Variants in TBC1D32 observed in about 807,000 individuals in gnomAD.
TBC1D32 encodes protein broad-minded.
A neutral mutation model predicts 170.3 loss-of-function variants in TBC1D32; 151 were observed. The ratio of observed to expected loss-of-function variants is 0.89; its 90% CI spans 0.78 to 1.01. The LOEUF (loss-of-function observed/expected upper bound fraction) is 1.01, where lower values mean the gene tolerates loss of function less well. Ranked by LOEUF, TBC1D32 falls within the 50% of genes least tolerant of loss-of-function variation. TBC1D32 has a pLI of 0.00. For missense variants in TBC1D32, 1,464 were observed against 1,457.1 expected, an observed-to-expected ratio of 1.00 and a Z score of -0.08; for synonymous variants, 498 against 488.0, an observed-to-expected ratio of 1.02 and a Z score of -0.27.
At chr6:121,297,873 A>G (rs1805898809) in intron 10 of TBC1D32, among the ~76,000 whole-genome samples, 1 of 152,100 alleles carries the variant, frequency 6.6e-6, no homozygotes, top group Non-Finnish European at 1.5e-5. Flanking sequence ...CAGATATTTC[A>G]TCATTGCAGA....
chr6:121,094,476 T>G (rs773944168), intron 30 of TBC1D32, among the ~76,000 whole-genome samples: 67 of 152,258 alleles, frequency 4.4e-4, no homozygotes, highest in Non-Finnish European at 8.1e-4. Context: ...CACTTCTGTA[T>G]TTTTATAAAG....
At chr6:121,080,995 G>T in intron 31 of TBC1D32, 105 bp from the exon 32 acceptor site, 1 of 1,363,110 alleles carries the variant, frequency 7.3e-7, no homozygotes, top group Non-Finnish European at 1.0e-6. Context: ...AGCTATAGAT[G>T]GGGTGGGCTG....
Position 121,134,024 on chromosome 6 carries a change from C to T in TBC1D32, c.2774-2272G>A, listed in dbSNP as rs563766877. Among the ~76,000 whole-genome samples, 5 of 152,008 alleles carry T rather than the reference C, an allele frequency of 3.3e-5. No individual in the cohort carries two copies. In the South Asian group the frequency reaches 6.2e-4, roughly 19 times the overall value. On this transcript the variant is annotated intron_variant, in intron 24 of 31. Transcript: ENST00000398212. ...AGTTTTAATGTTAAATGTATCTTGA[C>T]AAGAATTAGGTAAAGACTTAATTCG...
chr6:121,107,022 C>G (rs948694030), intron 29 of TBC1D32, among the ~76,000 whole-genome samples: 1 of 151,676 alleles, frequency 6.6e-6, no homozygotes, highest in Non-Finnish European at 1.5e-5. Context: ...AAAAACTGTT[C>G]AACTAGCAAT....
At chr6:121,289,601 C>A (rs1322039719) in intron 12 of TBC1D32, among the ~76,000 whole-genome samples, 1 of 152,302 alleles carries the variant, frequency 6.6e-6, no homozygotes, top group South Asian at 2.1e-4. Context: ...TCAATCCCAT[C>A]CCCATTAAGC....
intron 20 of TBC1D32, among the ~76,000 whole-genome samples, chr6:121,223,668 G>C (rs1460679282): frequency 6.6e-6 from 1 of 151,942 alleles, no homozygotes; most frequent in Non-Finnish European, 1.5e-5. Context: ...CTCATTCTTT[G>C]CACTTTCATA....
intron 13 of TBC1D32, 79 bp downstream of exon 13, chr6:121,283,739 T>C (rs1803376345): frequency 8.9e-7 from 1 of 1,120,942 alleles, no homozygotes; most frequent in Non-Finnish European, 1.3e-6. Flanking sequence ...GGTCAGGCAC[T>C]CAAAACATCT....
chr6:121,229,503 G>A (rs1287790496), intron 20 of TBC1D32, among the ~76,000 whole-genome samples: 1 of 152,046 alleles, frequency 6.6e-6, no homozygotes, highest in Non-Finnish European at 1.5e-5. Flanking sequence ...TCCATATTCT[G>A]CAAACTGGCA....
At position 121,265,110 on chromosome 6, in the gene TBC1D32, G is replaced by C. The variant is rs60318585; in HGVS notation, c.1734-8825C>G. ...AATAAAGGGTATTCAAATAGGAAGA[G>C]AGGAAGTCAAATTGTCTCTGTTTGC... On this transcript the variant is annotated intron_variant, in intron 15 of 31. Coordinates refer to ENST00000398212, the MANE Select transcript of TBC1D32 (RefSeq NM_152730.6). 2.7e-3 allele frequency among the ~76,000 whole-genome samples: 407 copies of C among 152,316 alleles called. 2 individuals are homozygous for C. The highest frequency in any genetic ancestry group is 8.3e-3 in the African/African-American group (344 of 41,558).
chr6:121,310,750 T>C lies in TBC1D32; in HGVS notation c.564+29A>G, dbSNP rs1490853239. 17 of 1,378,068 alleles carry C rather than the reference T, an allele frequency of 1.2e-5. 1 individual carries two copies. The East Asian group carries it at 1.2e-4, about 10-fold the overall frequency. The allele number at this position is 1,378,068 out of a possible 1,614,324, so 85.4% of individuals were successfully genotyped here. A position where few individuals can be genotyped will look rare whatever the true frequency, so the allele number is the denominator to read the frequency against. ...ATATTGTAAATGTATGTTATCTGCA[T>C]GAACTTGACAGCTATCCTTGAAACT... is the stretch of plus-strand genomic sequence containing the variant. On this transcript the variant is annotated intron_variant, in intron 4 of 31. Coordinates refer to ENST00000398212, the MANE Select transcript of TBC1D32 (RefSeq NM_152730.6).
rs561970081 is a variant in TBC1D32 at position 121,083,207 on chromosome 6, C to T, written c.3655-2317G>A. Among the ~76,000 whole-genome samples the T allele has an allele frequency of 1.8e-3, 266 of 151,736 alleles. 1 individual carries two copies. The highest frequency in any genetic ancestry group is 2.8e-3 in the Non-Finnish European group (188 of 67,860). Reference sequence around the variant, plus strand: ...TCAAACTCTATATAAAATATAAATGCCTTGATTATTTAAGTAGCAGATGCA... The same window carrying T: ...TCAAACTCTATATAAAATATAAATGTCTTGATTATTTAAGTAGCAGATGCA... On this transcript the variant is annotated intron_variant, in intron 31 of 31. Coordinates refer to ENST00000398212, the MANE Select transcript of TBC1D32 (RefSeq NM_152730.6).
At chr6:121,082,566 T>C (rs1246785931) in intron 31 of TBC1D32, among the ~76,000 whole-genome samples, 1 of 151,950 alleles carries the variant, frequency 6.6e-6, no homozygotes, top group Non-Finnish European at 1.5e-5. Context: ...GGACATATTA[T>C]TTTCAAAGGA....
At chr6:121,181,128 T>C (rs1453546163) in intron 22 of TBC1D32, among the ~76,000 whole-genome samples, 1 of 152,120 alleles carries the variant, frequency 6.6e-6, no homozygotes, top group Non-Finnish European at 1.5e-5. Flanking sequence ...GGAACATTCA[T>C]ACACTATTGG....
At chr6:121,105,464 C>T (rs1338848864) in intron 30 of TBC1D32, among the ~76,000 whole-genome samples, 1 of 151,770 alleles carries the variant, frequency 6.6e-6, no homozygotes, top group African/African-American at 2.4e-5. Flanking sequence ...TAATTTTAGC[C>T]TAATTATAAC....
At chr6:121,085,702 A>G (rs532160640) in intron 31 of TBC1D32, among the ~76,000 whole-genome samples, 2 of 152,150 alleles carry the variant, frequency 1.3e-5, no homozygotes, top group Non-Finnish European at 2.9e-5. Flanking sequence ...TTTCATAAGT[A>G]CCCTAAGTGA....
intron 22 of TBC1D32, among the ~76,000 whole-genome samples, chr6:121,164,508 G>T (rs1180319740): frequency 9.4e-5 from 1 of 10,654 alleles, no homozygotes; most frequent in African/African-American, 1.1e-4. Context: ...AGCAAATGCT[G>T]AGAGATTGTG....
chr6:121,257,865 C>T, intron 15 of TBC1D32, among the ~76,000 whole-genome samples: 1 of 152,072 alleles, frequency 6.6e-6, no homozygotes, highest in East Asian at 1.9e-4. Flanking sequence ...TCTTAGATAG[C>T]TTCTAAAATG....
At chr6:121,106,979 G>C (rs1260902111) in intron 29 of TBC1D32, among the ~76,000 whole-genome samples, 4 of 151,590 alleles carry the variant, frequency 2.6e-5, no homozygotes, top group African/African-American at 9.7e-5. Context: ...TTAACAAAGA[G>C]TAATAAACCT....
chr6:121,220,383 G>A (rs1373126335), intron 21 of TBC1D32, among the ~76,000 whole-genome samples: 1 of 152,172 alleles, frequency 6.6e-6, no homozygotes, highest in Non-Finnish European at 1.5e-5. Flanking sequence ...ACCAACCACA[G>A]CATTCCCTTA....
Sources: allele counts gnomAD v4.1 joint callset (sites outside exome capture counted in the v4.1 genomes callset), GRCh38; gene constraint gnomAD v4.1.1; transcripts MANE v1.5; gene names NCBI Gene and HGNC (gene_info 2026-07-23, HGNC 2026-07-21).